ZNF540: variants seen among roughly 807,000 people sequenced by gnomAD.
ZNF540 encodes CTD-3064H18.6.
A neutral mutation model predicts 11.8 loss-of-function variants in ZNF540; 3 were observed. That is an observed-to-expected ratio of 0.25 (90% CI 0.12 to 0.65). The LOEUF is 0.65. ZNF540 is among the 30% of genes least tolerant of loss of function. The pLI, the probability that ZNF540 is intolerant of heterozygous loss-of-function variation, is 0.83. For missense variants in ZNF540, 709 were observed against 793.1 expected (o/e 0.89, Z 1.27); for synonymous variants, 247 against 259.0 (o/e 0.95, Z 0.45).
intron 2 of ZNF540, among the ~76,000 whole-genome samples, chr19:37,598,998 T>G (rs1447993700): frequency 3.3e-5 from 5 of 152,028 alleles, no homozygotes; most frequent in African/African-American, 1.2e-4. Context: ...ATTCTTAATC[T>G]CAAGAAAAAA....
At position 37,612,060 on chromosome 19, in the gene ZNF540, A is replaced by C. The variant is rs376141309; in HGVS notation, c.780A>C (p.Arg260=). 2 of 1,612,040 alleles carry C rather than the reference A, an allele frequency of 1.2e-6. No homozygotes were observed. The highest frequency in any genetic ancestry group is 1.7e-6 in the Non-Finnish European group (2 of 1,179,528). The change falls in exon 5 of 5, where the codon CGA becomes CGC. Residue 260 remains arginine (R), a synonymous_variant. Coordinates refer to ENST00000316433, the MANE Select transcript of ZNF540 (RefSeq NM_001172225.3). Reference sequence around the variant, plus strand: ...TTACTCTTTACCCACAACTTAATCGACATCAGAAAATTCACACTGGTAAAA... The same window carrying C: ...TTACTCTTTACCCACAACTTAATCGCCATCAGAAAATTCACACTGGTAAAA... ...KTFTLYPQLN[R]HQKIHTGKKP... is the part of the protein sequence containing the mutation.
intron 1 of ZNF540, chr19:37,563,662 A>C (rs1476155633): frequency 6.6e-6 from 1 of 150,904 alleles, no homozygotes; most frequent in East Asian, 1.9e-4. Context: ...GAATGTATAC[A>C]TATGGGGACT....
intron 4 of ZNF540, among the ~76,000 whole-genome samples, chr19:37,607,404 G>A (rs1433558580): frequency 1.3e-5 from 2 of 152,162 alleles, no homozygotes; most frequent in African/African-American, 4.8e-5. Context: ...ATAATGATAT[G>A]TATCCACAAT....
intron 1 of ZNF540, among the ~76,000 whole-genome samples, chr19:37,577,277 G>A (rs2043275135): frequency 6.6e-6 from 1 of 151,854 alleles, no homozygotes. Flanking sequence ...TCATAACAAA[G>A]TAAGCATACT....
chr19:37,556,768 G>T (rs1000104470), intron 1 of ZNF540, among the ~76,000 whole-genome samples: 3 of 152,168 alleles, frequency 2.0e-5, no homozygotes, highest in African/African-American at 7.2e-5. Context: ...ATTTCAAAAG[G>T]TGAGAACCTA....
At chr19:37,572,602 C>T (rs1404277357) in intron 1 of ZNF540, among the ~76,000 whole-genome samples, 4 of 152,150 alleles carry the variant, frequency 2.6e-5, no homozygotes, top group South Asian at 2.1e-4. Context: ...GGAATGTATA[C>T]GCCGCAGATA....
chr19:37,556,978 T>C (rs2042666933), intron 1 of ZNF540, among the ~76,000 whole-genome samples: 1 of 152,196 alleles, frequency 6.6e-6, no homozygotes. Flanking sequence ...GACAGAACTA[T>C]AGACGAGGTG....
At chr19:37,571,743 C>T (rs1357126039) in intron 1 of ZNF540, among the ~76,000 whole-genome samples, 1 of 152,130 alleles carries the variant, frequency 6.6e-6, no homozygotes, top group African/African-American at 2.4e-5. Flanking sequence ...ACTACTAGCT[C>T]GCAGACTACA....
At position 37,584,220 on chromosome 19, in the gene ZNF540, A is replaced by G. The variant is rs77105282; in HGVS notation, c.-72-14156A>G. On this transcript the variant is annotated intron_variant, in intron 1 of 4. Transcript: ENST00000592533. ...CAAAACAACAGGAAATTGGTTGCCTAAACAGTAGTATTAACCTGATTCTCT... is the reference window on the plus strand; with the variant it reads ...CAAAACAACAGGAAATTGGTTGCCTGAACAGTAGTATTAACCTGATTCTCT... 688 of 1,368,166 alleles carry G rather than the reference A, an allele frequency of 5.0e-4. 6 individuals carry two copies. The East Asian group carries it at 0.014, about 28-fold the overall frequency. 84.8% of individuals were successfully genotyped at this position (1,368,166 alleles called of 1,614,324 possible). A position where few individuals can be genotyped will look rare whatever the true frequency, so the allele number is the denominator to read the frequency against.
chr19:37,563,697 TATGTGGAATATATAC>T (rs1343019957), intron 1 of ZNF540: 2 of 151,932 alleles, frequency 1.3e-5, no homozygotes, highest in Admixed American at 6.6e-5. Flanking sequence ...AATGTATACA[TATGTGGAATATATAC>T]ATGTGGAATA....
chr19:37,576,675 G>A (rs1346164455), intron 1 of ZNF540, among the ~76,000 whole-genome samples: 1 of 152,018 alleles, frequency 6.6e-6, no homozygotes, highest in Non-Finnish European at 1.5e-5. Flanking sequence ...CCTTAACTAG[G>A]TCATAAAAAG....
chr19:37,611,815 G>A lies in ZNF540; in HGVS notation c.535G>A (p.Gly179Arg), dbSNP rs1221977305. The change falls in exon 5 of 5, where the codon GGG (glycine) becomes AGG (arginine). Residue 179 changes from glycine to arginine, a missense_variant. Coordinates refer to ENST00000316433, the MANE Select transcript of ZNF540 (RefSeq NM_001172225.3). Reference protein sequence around the residue: ...KSCDSHLVQHGKIDSDVKHDC... With the variant: ...KSCDSHLVQHRKIDSDVKHDC... ...CTGTGACTCACACTTGGTTCAACAT[G>A]GGAAAATAGATTCTGATGTGAAACA... The A allele has an allele frequency of 2.5e-6, 4 of 1,613,984 alleles. No individual in the cohort carries two copies. The highest frequency in any genetic ancestry group is 1.7e-5 in the Admixed American group (1 of 60,026).
chr19:37,562,835 C>T (rs1163254897), intron 1 of ZNF540: 1 of 152,152 alleles, frequency 6.6e-6, no homozygotes. Flanking sequence ...TCACTGCATG[C>T]ACAAACATAT....
At chr19:37,578,528 GAT>G (rs2043325910) in intron 1 of ZNF540, among the ~76,000 whole-genome samples, 1 of 152,198 alleles carries the variant, frequency 6.6e-6, no homozygotes, top group African/African-American at 2.4e-5. Flanking sequence ...ACAAGCCCCG[GAT>G]CCCTGAGCAG....
At chr19:37,601,231 G>A in intron 4 of ZNF540, 126 bp downstream of exon 4, 1 of 710,982 alleles carries the variant, frequency 1.4e-6, no homozygotes, top group Non-Finnish European at 2.3e-6. Context: ...GGCCTTTGGA[G>A]TAAAGGTTAA....
intron 1 of ZNF540, chr19:37,565,607 C>CTATGAAT (rs2042827196): frequency 1.2e-6 from 2 of 1,613,046 alleles, no homozygotes; most frequent in Admixed American, 3.3e-5. Context: ...TTTTTCACCA[C>CTATGAAT]TATGAATTCT....
In ZNF540 at chr19:37,598,608, G is replaced by A; in HGVS notation, c.9+152G>A. 3 of 756,246 alleles carry A rather than the reference G, an allele frequency of 4.0e-6. No homozygotes were observed. In the South Asian group the frequency reaches 5.2e-5, roughly 13 times the overall value. 46.8% of individuals were successfully genotyped at this position (756,246 alleles called of 1,614,324 possible). The stretch of plus-strand genomic sequence containing the variant: ...ATGGGCCCCCTCTCTTTTCTAACCA[G>A]TATCCACATGCACATTGACCAACTC... On this transcript the variant is annotated intron_variant, in intron 2 of 4. Coordinates refer to ENST00000316433, the MANE Select transcript of ZNF540 (RefSeq NM_001172225.3).
chr19:37,570,116 C>T (rs1379677337), intron 1 of ZNF540: 2 of 152,202 alleles, frequency 1.3e-5, no homozygotes, highest in Non-Finnish European at 2.9e-5. Flanking sequence ...CACCCACCCT[C>T]CCCTAAAAGA....
At chr19:37,572,989 G>A (rs1227035442) in intron 1 of ZNF540, among the ~76,000 whole-genome samples, 3 of 152,086 alleles carry the variant, frequency 2.0e-5, no homozygotes, top group South Asian at 2.1e-4. Flanking sequence ...ATTTGTACTA[G>A]TAGCTTCTTT....
Sources: allele counts gnomAD v4.1 joint callset (sites outside exome capture counted in the v4.1 genomes callset), GRCh38; gene constraint gnomAD v4.1.1; transcripts MANE v1.5; gene names NCBI Gene and HGNC (gene_info 2026-07-23, HGNC 2026-07-21).